Variants in NDE1 observed in about 807,000 individuals in gnomAD.
NDE1 encodes nuclear distribution protein nudE homolog 1.
NDE1 carries 28 observed loss-of-function variants against 43.4 expected under a neutral mutation model. The ratio of observed to expected loss-of-function variants is 0.65; its 90% CI spans 0.48 to 0.89. The LOEUF is 0.89. Ranked by LOEUF, NDE1 falls within the 40% of genes least tolerant of loss-of-function variation. The probability of loss-of-function intolerance (pLI) is 0.00; values close to 1 mark genes in which losing one functional copy is unlikely to be tolerated. For missense variants in NDE1, 441 were observed against 434.1 expected (o/e 1.02, Z -0.14); for synonymous variants, 184 against 172.0 (o/e 1.07, Z -0.55).
chr16:15,717,544 C>T, intron 8 of NDE1: 1 of 615,048 alleles, frequency 1.6e-6, no homozygotes. Context: ...CCTGTAATCC[C>T]AGCACTTTTG....
intron 8 of NDE1, among the ~76,000 whole-genome samples, chr16:15,721,934 T>C (rs748366198): frequency 5.8e-4 from 88 of 152,186 alleles, no homozygotes; most frequent in Admixed American, 1.1e-3. Flanking sequence ...CTTGGTTCAC[T>C]GCAACCTCCG....
chr16:15,687,229 G>T (rs746352176), intron 4 of NDE1, 146 bp from the exon 5 acceptor site: 1 of 1,555,240 alleles, frequency 6.4e-7, no homozygotes, highest in Admixed American at 1.9e-5. Context: ...AAGGTTAAGG[G>T]ACTTGGCCCA....
In NDE1 at chr16:15,671,176, C is replaced by T. The variant is rs548500903; in HGVS notation, c.237+3737C>T. Among the ~76,000 whole-genome samples, 69 of 152,174 alleles carry T rather than the reference C, an allele frequency of 4.5e-4. No individual in the cohort carries two copies. In the South Asian group the frequency reaches 0.014, roughly 31 times the overall value. On this transcript the variant is annotated intron_variant, in intron 3 of 8. Coordinates refer to ENST00000396354, the MANE Select transcript of NDE1 (RefSeq NM_017668.3). ...CTTGCCTTTTATTATATATATTCCC[C>T]CATCCATCAAAATTTGTAAAGCTTC...
upstream of NDE1, among the ~76,000 whole-genome samples, chr16:15,646,679 C>G (rs139836560): frequency 0.022 from 3,392 of 152,070 alleles, 134 homozygotes; most frequent in African/African-American, 0.078. Flanking sequence ...TACAATGAGC[C>G]GAGATCGCAC....
intron 8 of NDE1, chr16:15,717,903 C>T: frequency 3.3e-6 from 1 of 306,890 alleles, no homozygotes; most frequent in South Asian, 3.5e-5. Context: ...CCTGTTCACC[C>T]TACACCACAA....
intron 5 of NDE1, 36 bp downstream of exon 5, chr16:15,687,547 C>T: frequency 1.3e-6 from 2 of 1,556,602 alleles, no homozygotes; most frequent in Non-Finnish European, 8.9e-7. Context: ...AGCATGGTCC[C>T]CTCTCCCTAC....
At chr16:15,724,146 C>G in intron 8 of NDE1, 45 bp from the exon 9 acceptor site, 1 of 1,612,512 alleles carries the variant, frequency 6.2e-7, no homozygotes, top group Non-Finnish European at 8.5e-7. Flanking sequence ...GTGGGGGACA[C>G]CCCACGCCCT....
At chr16:15,694,359 T>G in intron 7 of NDE1, 103 bp downstream of exon 7, 6 of 1,546,362 alleles carry the variant, frequency 3.9e-6, no homozygotes, top group South Asian at 1.2e-5. Flanking sequence ...TTTTCTTTTT[T>G]TTTAGAGACA....
At chr16:15,702,997 C>T (rs2039272219) in intron 8 of NDE1, among the ~76,000 whole-genome samples, 2 of 152,112 alleles carry the variant, frequency 1.3e-5, no homozygotes, top group African/African-American at 2.4e-5. Flanking sequence ...CAATTGATTT[C>T]ACCTCTCTAG....
At chr16:15,708,862 C>T in intron 8 of NDE1, 1 of 1,607,738 alleles carries the variant, frequency 6.2e-7, no homozygotes, top group Non-Finnish European at 8.5e-7. Flanking sequence ...GAGAGAATCC[C>T]CGGAGGTTAC....
chr16:15,650,305 C>T lies in NDE1; in HGVS notation c.-44+11C>T, dbSNP rs769280896. 1 of 291,580 alleles carries T rather than the reference C, an allele frequency of 3.4e-6. No homozygotes were observed. Among genetic ancestry groups the T allele is most frequent in the Admixed American group, 4.2e-5 (1 of 23,642 alleles). The allele number at this position is 291,580 out of a possible 1,614,324, so 18.1% of individuals were successfully genotyped here. ...GCCGCCCCTGCTCGGGTAAGTGAGGCGCTGCGCGGGGCTGGGGTCGGGGTG... is the reference window on the plus strand; with the variant it reads ...GCCGCCCCTGCTCGGGTAAGTGAGGTGCTGCGCGGGGCTGGGGTCGGGGTG... On this transcript the variant is annotated intron_variant, in intron 1 of 8. Coordinates refer to ENST00000396354, the MANE Select transcript of NDE1 (RefSeq NM_017668.3).
Position 15,699,919 on chromosome 16 carries a change from A to T in NDE1, c.947+3059A>T, listed in dbSNP as rs561808312. 84 of 1,251,354 alleles carry T rather than the reference A, an allele frequency of 6.7e-5. No individual in the cohort carries two copies. In the South Asian group the frequency reaches 1.1e-3, roughly 16 times the overall value. 77.5% of individuals were successfully genotyped at this position (1,251,354 alleles called of 1,614,324 possible). On this transcript the variant is annotated intron_variant, in intron 8 of 8. Transcript: ENST00000396354. ...GTTTTTGTTTTAAGTTAGTTTGAGA[A>T]ATAAGAGCAGTCACCATAGTTAGTT...
At position 15,720,956 on chromosome 16, in the gene NDE1, C is replaced by T. The variant is rs778499852; in HGVS notation, c.948-3235C>T. 8 of 1,613,940 alleles carry T rather than the reference C, an allele frequency of 5.0e-6. No individual in the cohort carries two copies. Among genetic ancestry groups the T allele is most frequent in the East Asian group, 4.5e-5 (2 of 44,876 alleles). Reference sequence around the variant, plus strand: ...CTTCCAGCCGCAGTTTGGCGTCCTCCGTGGCTTGCAGCTCGTCCTCCAGCT... The same window carrying T: ...CTTCCAGCCGCAGTTTGGCGTCCTCTGTGGCTTGCAGCTCGTCCTCCAGCT... On this transcript the variant is annotated intron_variant, in intron 8 of 8. Transcript: ENST00000396354.
rs869069843 is a variant in NDE1, at chr16:15,690,353, C to CTTTTTTTTT, written c.524-771_524-763dup. On this transcript the variant is annotated intron_variant, in intron 5 of 8. Coordinates refer to ENST00000396354, the MANE Select transcript of NDE1 (RefSeq NM_017668.3). ...GCAACTGGCCTTTTTTTTTTTTTTT[C>CTTTTTTTTT]TTTTTTTTTTTTTTTTTTTTTTTTT... 1.6e-3 allele frequency among the ~76,000 whole-genome samples: 133 copies of CTTTTTTTTT among 81,002 alleles called. 1 individual carries two copies. The highest frequency in any genetic ancestry group is 1.9e-3 in the African/African-American group (37 of 19,472). The allele number at this position is 81,002 out of a possible 152,430, so 53.1% of individuals were successfully genotyped here. A position where few individuals can be genotyped will look rare whatever the true frequency, so the allele number is the denominator to read the frequency against.
intron 1 of NDE1, 111 bp from the exon 2 acceptor site, chr16:15,664,625 G>C (rs2037209478): frequency 1.5e-6 from 1 of 683,410 alleles, no homozygotes; most frequent in Admixed American, 2.4e-5. Flanking sequence ...AAAGTGCTGG[G>C]ATTATAGGCG....
rs117247671 is a variant in NDE1, at chr16:15,696,686, G to A, written c.796-23G>A. On this transcript the variant is annotated intron_variant, in intron 7 of 8. Coordinates refer to ENST00000396354, the MANE Select transcript of NDE1 (RefSeq NM_017668.3). ...AATAGTCCTTGCCTATAACTTGAGA[G>A]ATAAAAGTGTATTTCTGTCCAGGCA... 155 of 1,614,156 alleles carry A rather than the reference G, an allele frequency of 9.6e-5. 1 individual carries two copies. In the East Asian group the frequency reaches 3.3e-3, roughly 35 times the overall value.
At chr16:15,703,576 C>G (rs1468443484) in intron 8 of NDE1, 2 of 347,050 alleles carry the variant, frequency 5.8e-6, no homozygotes, top group African/African-American at 4.1e-5. Flanking sequence ...ACCTTGAATA[C>G]AGGGGTAGTA....
At chr16:15,690,341 T>TTATTTTTTTC (rs2038676579) in intron 5 of NDE1, among the ~76,000 whole-genome samples, 1 of 130,610 alleles carries the variant, frequency 7.7e-6, no homozygotes, top group South Asian at 2.7e-4. Context: ...ACTGGCCTTT[T>TTATTTTTTTC]TTTTTTTTTT....
intron 3 of NDE1, among the ~76,000 whole-genome samples, chr16:15,674,980 A>G (rs942424558): frequency 1.4e-4 from 21 of 152,040 alleles, no homozygotes; most frequent in Non-Finnish European, 2.9e-5. Context: ...CCTGTGGATG[A>G]GGCTTGGAGA....
Sources: gnomAD v4.1 joint callset for allele counts (sites outside exome capture counted in the v4.1 genomes callset) on GRCh38, gnomAD v4.1.1 for gene constraint, MANE v1.5 for transcripts, NCBI Gene and HGNC (gene_info 2026-07-23, HGNC 2026-07-21) for gene names.